Variants in MXD3 observed in about 807,000 individuals in gnomAD.
MXD3 encodes MAX dimerization protein 3.
Under a neutral mutation model 27.5 loss-of-function variants are expected in MXD3, and 20 were observed. That is an observed-to-expected ratio of 0.73 (90% CI 0.51 to 1.06). The LOEUF (loss-of-function observed/expected upper bound fraction) is 1.06, where lower values mean the gene tolerates loss of function less well. MXD3 is among the 50% of genes least tolerant of loss of function. The probability of loss-of-function intolerance (pLI) is 0.00; values close to 1 mark genes in which losing one functional copy is unlikely to be tolerated. For missense variants in MXD3, 298 were observed against 291.3 expected, an observed-to-expected ratio of 1.02 and a Z score of -0.17; for synonymous variants, 150 against 130.7, an observed-to-expected ratio of 1.15 and a Z score of -1.01.
In MXD3 at chr5:177,307,933, T is replaced by A; in HGVS notation, c.353A>T (p.Gln118Leu). 6.3e-7 allele frequency: 1 copy of A among 1,581,086 alleles called. No individual in the cohort carries two copies. Among genetic ancestry groups the A allele is most frequent in the Non-Finnish European group, 8.6e-7 (1 of 1,163,310 alleles). ...KLEDQEQRAR[Q>L]LKERLRSKQQ... ...CTTGCTGCGCAGCCTCTCCTTGAGCTGTCGGGCCCGCTGCTCCTGATCCTC... is the reference window on the plus strand; with the variant it reads ...CTTGCTGCGCAGCCTCTCCTTGAGCAGTCGGGCCCGCTGCTCCTGATCCTC... Residue 118 changes from glutamine to leucine, a missense_variant, in exon 5 of 6, where the codon CAG (glutamine) becomes CTG (leucine). Transcript: ENST00000439742.
chr5:177,307,097 C>T, downstream of MXD3: 3 of 1,483,254 alleles, frequency 2.0e-6, no homozygotes, highest in Non-Finnish European at 2.7e-6. Flanking sequence ...ATTAAGTGCA[C>T]TGCCTGGCAC....
At chr5:177,308,858 A>AC (rs1482289157) in intron 4 of MXD3, among the ~76,000 whole-genome samples, 1 of 151,788 alleles carries the variant, frequency 6.6e-6, no homozygotes, top group Non-Finnish European at 1.5e-5. Context: ...TCCCTCCCAT[A>AC]CCCCTACCTC....
At chr5:177,308,092 C>T in intron 4 of MXD3, 128 bp from the exon 5 acceptor site, 1 of 891,780 alleles carries the variant, frequency 1.1e-6, no homozygotes, top group Non-Finnish European at 1.7e-6. Context: ...GCGACTAAAT[C>T]CAGGCCCCAG....
intron 2 of MXD3, chr5:177,310,926 C>T: frequency 1.7e-6 from 1 of 602,840 alleles, no homozygotes; most frequent in Non-Finnish European, 2.9e-6. Context: ...TATGAGGGCC[C>T]TAACAAGGGC....
intron 2 of MXD3, 186 bp downstream of exon 2, chr5:177,311,193 T>C (rs909243236): frequency 8.1e-5 from 42 of 515,508 alleles, no homozygotes; most frequent in Non-Finnish European, 1.0e-4. Context: ...GCTCAAGAAA[T>C]AGTCCTTGAA....
rs1283095604 is a variant in MXD3 at position 177,310,556 on chromosome 5, C to A, written c.207-16G>T. 1 of 1,611,210 alleles carries A rather than the reference C, an allele frequency of 6.2e-7. No homozygotes were observed. Among genetic ancestry groups the A allele is most frequent in the East Asian group, 2.2e-5 (1 of 44,796 alleles). ...CTGGGCCCTCCTGTGGGGAAGAGGT[C>A]TGGAGGGCAGTGCCAGCCCCACCTT... On this transcript the variant is annotated splice_polypyrimidine_tract_variant and intron_variant, in intron 3 of 5. Transcript: ENST00000439742.
At chr5:177,306,959 A>T, downstream of MXD3, 2 of 1,098,106 alleles carry the variant, frequency 1.8e-6, no homozygotes, top group Non-Finnish European at 2.6e-6. Context: ...AGTTGGCCCC[A>T]GCTCTGGAGT....
chr5:177,312,472 AC>A, upstream of MXD3: 1 of 985,324 alleles, frequency 1.0e-6, no homozygotes, highest in Non-Finnish European at 1.2e-6. Flanking sequence ...AAATTTGAAA[AC>A]CCAAGCGATG....
At chr5:177,310,735 G>T in intron 2 of MXD3, 38 bp from the exon 3 acceptor site, 1 of 1,612,532 alleles carries the variant, frequency 6.2e-7, no homozygotes, top group Non-Finnish European at 8.5e-7. Flanking sequence ...AGGGGAATCA[G>T]CTACTGCCCA....
chr5:177,305,931 C>T (rs140926462), downstream of MXD3: 611 of 1,613,990 alleles, frequency 3.8e-4, 1 homozygote, highest in Non-Finnish European at 1.0e-4. Context: ...GACTGAAATC[C>T]GCCGGGAAGC....
In MXD3 at chr5:177,307,803, A is replaced by G. The variant is rs1561594569; in HGVS notation, c.483T>C (p.Ser161=). 1 of 1,613,098 alleles carries G rather than the reference A, an allele frequency of 6.2e-7. No homozygotes were observed. Among genetic ancestry groups the G allele is most frequent in the South Asian group, 1.1e-5 (1 of 91,076 alleles). ...CACCTTGGTCTGAGTCTGAGCGCTCAGAGGAGAGGCCTGAGGAGTCCAGAC... is the reference window on the plus strand; with the variant it reads ...CACCTTGGTCTGAGTCTGAGCGCTCGGAGGAGAGGCCTGAGGAGTCCAGAC... ...ADSLDSSGLS[S]ERSDSDQEEL... The change falls in exon 5 of 6, where the codon TCT becomes TCC. Residue 161 remains serine, a synonymous_variant. Coordinates refer to ENST00000439742, the MANE Select transcript of MXD3 (RefSeq NM_031300.4).
rs529300011 is a variant in MXD3, at chr5:177,308,073, G to C, written c.322-109C>G. 3 of 1,093,666 alleles carry C rather than the reference G, an allele frequency of 2.7e-6. No homozygotes were observed. The Admixed American group carries it at 8.7e-5, about 32-fold the overall frequency. The allele number at this position is 1,093,666 out of a possible 1,614,324, so 67.7% of individuals were successfully genotyped here. On this transcript the variant is annotated intron_variant, in intron 4 of 5. Transcript: ENST00000439742. ...CGGCCACAGGGCCAATGCCCACTCC[G>C]GGCAGGTGGCGACTAAATCCAGGCC...
intron 4 of MXD3, among the ~76,000 whole-genome samples, chr5:177,309,790 G>A (rs1760988781): frequency 6.6e-6 from 1 of 152,250 alleles, no homozygotes; most frequent in South Asian, 2.1e-4. Context: ...GGCAGGAAAA[G>A]TCCTGTGGTT....
At position 177,307,615 on chromosome 5, in the gene MXD3, G is replaced by A. The variant is rs1325392589; in HGVS notation, c.594C>T (p.Tyr198=). The A allele has an allele frequency of 2.5e-6, 4 of 1,613,094 alleles. No homozygotes were observed. The South Asian group carries it at 4.4e-5, about 18-fold the overall frequency. ...ATAGCCAGGCGCCGCCGCCGTGCGA[G>A]TAGCTGTGCTCCTGGCCGGCGACGA... ...RGFVAGQEHS[Y]SHGGGAWL Residue 198 remains tyrosine, a synonymous_variant, in exon 6 of 6, where the codon TAC becomes TAT. Coordinates refer to ENST00000439742, the MANE Select transcript of MXD3 (RefSeq NM_031300.4).
At chr5:177,306,034 G>A (rs764898993), downstream of MXD3, 8 of 1,600,898 alleles carry the variant, frequency 5.0e-6, no homozygotes, top group Non-Finnish European at 6.0e-6. Context: ...AGTGCTTTCG[G>A]TGTTGGGGCT....
chr5:177,311,129 C>A (rs1761024283), intron 2 of MXD3: 1 of 517,640 alleles, frequency 1.9e-6, no homozygotes, highest in Non-Finnish European at 3.4e-6. Flanking sequence ...TGCGGGAGTG[C>A]GAGTGGAAGC....
At chr5:177,309,180 T>G (rs1257234463) in intron 4 of MXD3, among the ~76,000 whole-genome samples, 1 of 152,188 alleles carries the variant, frequency 6.6e-6, no homozygotes, top group Non-Finnish European at 1.5e-5. Flanking sequence ...GCCTTGAGTT[T>G]CACAGGAAGG....
At chr5:177,307,011 C>G, downstream of MXD3, 1 of 1,433,250 alleles carries the variant, frequency 7.0e-7, no homozygotes, top group South Asian at 1.5e-5. Flanking sequence ...TGTTTTTGGA[C>G]CTCAGGCGAG....
upstream of MXD3, chr5:177,312,676 C>A (rs1761065361): frequency 2.0e-6 from 2 of 985,458 alleles, no homozygotes; most frequent in Non-Finnish European, 2.4e-6. Context: ...TGTGAGGAAG[C>A]TGTTGTTGCT....
Sources: gnomAD v4.1 joint callset for allele counts (sites outside exome capture counted in the v4.1 genomes callset) on GRCh38, gnomAD v4.1.1 for gene constraint, MANE v1.5 for transcripts, NCBI Gene and HGNC (gene_info 2026-07-23, HGNC 2026-07-21) for gene names.